FN1: variants seen among roughly 807,000 people sequenced by gnomAD.
FN1 encodes the protein fibronectin 1.
A neutral mutation model predicts 297.3 loss-of-function variants in FN1; 106 were observed. The observed-to-expected ratio is 0.36, with a 90% CI of 0.30 to 0.42. The LOEUF is 0.42. Among genes scored for constraint, FN1 ranks in the 10% least tolerant of loss-of-function variants. The pLI is 1.00. For missense variants in FN1, 2,690 were observed against 3,124.9 expected (o/e 0.86, Z 3.32); for synonymous variants, 1,149 against 1,152.6 (o/e 1.00, Z 0.06).
intron 11 of FN1, 43 bp downstream of exon 11, chr2:215,420,630 A>G (rs1489095457): frequency 1.9e-6 from 3 of 1,612,492 alleles, no homozygotes; most frequent in South Asian, 1.1e-5. Context: ...CTTGCTAACC[A>G]TTCCCCCTGT....
At position 215,414,860 on chromosome 2, in the gene FN1, T is replaced by C; in HGVS notation, c.1918A>G (p.Lys640Glu). The change falls in exon 13 of 46, where the codon AAG becomes GAG. Residue 640 changes from lysine (K) to glutamate (E), a missense_variant. By Grantham distance (56) the Lys-to-Glu change is moderately conservative. Coordinates refer to ENST00000354785, the MANE Select transcript of FN1 (RefSeq NM_212482.4). ...ACAGGTCTCCACCTGAGAATGTACT[T>C]GGAAATGTGAGATGGCTGTGGTGCA... ...WNAPQPSHIS[K>E]YILRWRPKNS... The C allele has an allele frequency of 6.2e-7, 1 of 1,613,836 alleles. No individual in the cohort carries two copies. The highest frequency in any genetic ancestry group is 8.5e-7 in the Non-Finnish European group (1 of 1,179,790).
chr2:215,418,210 C>G (rs2063708593), intron 12 of FN1, among the ~76,000 whole-genome samples: 1 of 152,154 alleles, frequency 6.6e-6, no homozygotes, highest in South Asian at 2.1e-4. Flanking sequence ...TTGGGAAAAG[C>G]AGAATCTTCC....
Position 215,384,148 on chromosome 2 carries a change from C to G in FN1, c.4766G>C (p.Gly1589Ala). 1 of 1,614,100 alleles carries G rather than the reference C, an allele frequency of 6.2e-7. No individual in the cohort carries two copies. The highest frequency in any genetic ancestry group is 1.1e-5 in the South Asian group (1 of 91,078). The change falls in exon 30 of 46, where the codon GGG becomes GCG. Residue 1589 changes from glycine (G) to alanine (A), a missense_variant. This residue lies in a region of FN1 where 1,743 missense variants were observed against 1,945.2 expected (regional missense o/e 0.90). Transcript: ENST00000354785. ...GCTGATGGTAGCTGTAGACTTGCTC[C>G]CAGGCACAGTGAACTCCTGGACAGG... ...NSPVQEFTVPGSKSTATISGL... is the reference protein window; with the variant it reads ...NSPVQEFTVPASKSTATISGL...
At chr2:215,396,264 T>A (rs1003840319) in intron 23 of FN1, among the ~76,000 whole-genome samples, 2 of 152,226 alleles carry the variant, frequency 1.3e-5, no homozygotes, top group African/African-American at 4.8e-5. Flanking sequence ...TTGGAACTTT[T>A]ATTTTTGTTT....
In FN1 at chr2:215,365,233, C is replaced by G. The variant is rs559091781; in HGVS notation, c.7145-248G>C. Among the ~76,000 whole-genome samples, 254 of 152,320 alleles carry G rather than the reference C, an allele frequency of 1.7e-3. 1 individual carries two copies. The highest frequency in any genetic ancestry group is 5.9e-3 in the African/African-American group (247 of 41,572). ...AATCATATTTTAAAAGTTGAATCTA[C>G]AGACCAATAAAGCTTCTTTGTAGCA... On this transcript the variant is annotated intron_variant, in intron 43 of 45. Coordinates refer to ENST00000354785, the MANE Select transcript of FN1 (RefSeq NM_212482.4).
chr2:215,399,206 C>A (rs1478738286), intron 21 of FN1, 51 bp downstream of exon 21: 4 of 1,360,436 alleles, frequency 2.9e-6, no homozygotes, highest in Non-Finnish European at 4.1e-6. Context: ...ATGGGAACCA[C>A]AAGGACAGCT....
chr2:215,361,929 C>T (rs775645872), intron 45 of FN1, 40 bp downstream of exon 45: 1 of 1,597,802 alleles, frequency 6.3e-7, no homozygotes, highest in Non-Finnish European at 8.5e-7. Flanking sequence ...AAGAGACTGT[C>T]TAGTATGAGG....
chr2:215,375,182 G>A, intron 38 of FN1, 32 bp downstream of exon 38: 1 of 1,608,396 alleles, frequency 6.2e-7, no homozygotes, highest in East Asian at 2.2e-5. Flanking sequence ...TAGGTAGTAA[G>A]AAGGAAAATG....
rs145263539 is a variant in FN1, at chr2:215,435,662, T to C, written c.141A>G (p.Gln47=). ...VQPQSPVAVS[Q]SKPGCYDNGK... ...CCCGCGGTCAGTACTCACGCTTGCT[T>C]TGACTGACAGCCACCGGGGACTGGG... Residue 47 remains glutamine (Q), a synonymous_variant, in exon 1 of 46, where the codon CAA becomes CAG. Coordinates refer to ENST00000354785, the MANE Select transcript of FN1 (RefSeq NM_212482.4). 1 of 1,613,624 alleles carries C rather than the reference T, an allele frequency of 6.2e-7. No individual in the cohort carries two copies. Among genetic ancestry groups the C allele is most frequent in the Non-Finnish European group, 8.5e-7 (1 of 1,179,968 alleles).
intron 26 of FN1, among the ~76,000 whole-genome samples, chr2:215,390,570 A>C (rs1047153423): frequency 1.4e-4 from 22 of 152,276 alleles, no homozygotes; most frequent in Admixed American, 1.2e-3. Context: ...TTAGGATTAT[A>C]ATAAGGTCTT....
At chr2:215,421,602 A>G (rs984402389) in intron 10 of FN1, among the ~76,000 whole-genome samples, 1 of 152,242 alleles carries the variant, frequency 6.6e-6, no homozygotes, top group Non-Finnish European at 1.5e-5. Context: ...AACACTTTTA[A>G]AAAGTCAATA....
In FN1 at chr2:215,435,826, C is replaced by T; in HGVS notation, c.-24G>A. 1 of 1,523,924 alleles carries T rather than the reference C, an allele frequency of 6.6e-7. No individual in the cohort carries two copies. Among genetic ancestry groups the T allele is most frequent in the Non-Finnish European group, 8.8e-7 (1 of 1,137,360 alleles). The allele number at this position is 1,523,924 out of a possible 1,614,324, so 94.4% of individuals were successfully genotyped here. ...ATGTTGAGACGGTGGGGGAGAGACGCCCGCACCGGGAGGCAAGTTGCCACC... is the reference window on the plus strand; with the variant it reads ...ATGTTGAGACGGTGGGGGAGAGACGTCCGCACCGGGAGGCAAGTTGCCACC... On this transcript the variant is annotated 5_prime_UTR_variant, in exon 1 of 46. Coordinates refer to ENST00000354785, the MANE Select transcript of FN1 (RefSeq NM_212482.4).
Position 215,370,392 on chromosome 2 carries a change from C to T in FN1, c.6755G>A (p.Gly2252Asp), listed in dbSNP as rs1184555646. The T allele has an allele frequency of 1.2e-6, 2 of 1,613,792 alleles. No individual in the cohort carries two copies. Among genetic ancestry groups the T allele is most frequent in the Non-Finnish European group, 1.7e-6 (2 of 1,179,856 alleles). Reference protein sequence around the residue: ...PGTSTSATLTGLTRGATYNVI... With the variant: ...PGTSTSATLTDLTRGATYNVI... ...GTTGTAGGTGGCACCTCTGGTGAGG[C>T]CTGTCAGAGTGGCACTGGTAGAAGT... The change falls in exon 41 of 46, where the codon GGC (glycine) becomes GAC (aspartate). Residue 2252 changes from glycine (G) to aspartate (D), a missense_variant. Physicochemically the swap from Gly to Asp is moderately conservative, Grantham distance 94. This residue lies in a region of FN1 where 1,743 missense variants were observed against 1,945.2 expected (regional missense o/e 0.90). Coordinates refer to ENST00000354785, the MANE Select transcript of FN1 (RefSeq NM_212482.4).
intron 6 of FN1, among the ~76,000 whole-genome samples, chr2:215,427,360 G>A (rs1481193944): frequency 1.3e-5 from 2 of 152,140 alleles, no homozygotes; most frequent in Non-Finnish European, 2.9e-5. Context: ...ACTACGTAAT[G>A]ATGTTGGCAC....
chr2:215,396,728 A>G (rs933612141), intron 23 of FN1, among the ~76,000 whole-genome samples: 1 of 152,250 alleles, frequency 6.6e-6, no homozygotes, highest in African/African-American at 2.4e-5. Flanking sequence ...GGTGCAACCC[A>G]TGACAAAACA....
At position 215,409,952 on chromosome 2, in the gene FN1, T is replaced by C. The variant is rs760987316; in HGVS notation, c.2104A>G (p.Thr702Ala). 1 of 1,613,762 alleles carries C rather than the reference T, an allele frequency of 6.2e-7. No homozygotes were observed. The highest frequency in any genetic ancestry group is 1.1e-5 in the South Asian group (1 of 91,020). ...TACATACTGGTCACAGGTGTGCTGG[T>C]GCTGGTGGTGGTGAAGTCAAAGCGA... Reference protein sequence around the residue: ...VTRFDFTTTSTSTPVTSNTVT... With the variant: ...VTRFDFTTTSASTPVTSNTVT... The change falls in exon 14 of 46, where the codon ACC (threonine) becomes GCC (alanine). Residue 702 changes from threonine to alanine, a missense_variant. By Grantham distance (58) the Thr-to-Ala change is moderately conservative (BLOSUM62 0). Coordinates refer to ENST00000354785, the MANE Select transcript of FN1 (RefSeq NM_212482.4).
chr2:215,382,483 G>C (rs1157289276), intron 31 of FN1, among the ~76,000 whole-genome samples, 158 bp from the exon 32 acceptor site: 1 of 152,134 alleles, frequency 6.6e-6, no homozygotes, highest in Non-Finnish European at 1.5e-5. Flanking sequence ...TTTCCTCTTG[G>C]ACAAACCTGT....
chr2:215,411,746 A>C (rs1171264370), intron 13 of FN1, among the ~76,000 whole-genome samples: 5 of 149,802 alleles, frequency 3.3e-5, no homozygotes, highest in Non-Finnish European at 5.9e-5. Context: ...GGCTCACTGC[A>C]ACCTCCGCCT....
In FN1 at chr2:215,420,645, A is replaced by G. The variant is rs757159706; in HGVS notation, c.1675+28T>C. ...CTTGCTAACCATTCCCCCTGTGCAAACTCATCTAGGGAAATAGGGCTACTC... is the reference window on the plus strand; with the variant it reads ...CTTGCTAACCATTCCCCCTGTGCAAGCTCATCTAGGGAAATAGGGCTACTC... On this transcript the variant is annotated intron_variant, in intron 11 of 45. Coordinates refer to ENST00000354785, the MANE Select transcript of FN1 (RefSeq NM_212482.4). 4 of 1,613,696 alleles carry G rather than the reference A, an allele frequency of 2.5e-6. No individual in the cohort carries two copies. In the East Asian group the frequency reaches 8.9e-5, roughly 36 times the overall value.
Sources: allele counts gnomAD v4.1 joint callset (sites outside exome capture counted in the v4.1 genomes callset), GRCh38; gene constraint gnomAD v4.1.1; regional missense constraint gnomAD v4.1.1; transcripts MANE v1.5; gene names NCBI Gene and HGNC (gene_info 2026-07-23, HGNC 2026-07-21).